BCL2: variants seen among roughly 807,000 people sequenced by gnomAD.
BCL2 encodes BCL2 apoptosis regulator.
Under a neutral mutation model 14.2 loss-of-function variants are expected in BCL2, and 1 was observed. The observed-to-expected ratio is 0.07, with a 90% CI of 0.02 to 0.33. The LOEUF (loss-of-function observed/expected upper bound fraction) is 0.33, where lower values mean the gene tolerates loss of function less well. Ranked by LOEUF, BCL2 falls within the 10% of genes least tolerant of loss-of-function variation. BCL2 has a pLI of 0.99. For missense variants in BCL2, 247 were observed against 305.9 expected (o/e 0.81, Z 1.44); for synonymous variants, 151 against 137.2 (o/e 1.10, Z -0.70).
chr18:63,245,678 G>A lies in BCL2; in HGVS notation c.585+72404C>T, dbSNP rs566823769. Among the ~76,000 whole-genome samples, 164 of 152,220 alleles carry A rather than the reference G, an allele frequency of 1.1e-3. 1 individual carries two copies. The highest frequency in any genetic ancestry group is 3.6e-3 in the African/African-American group (151 of 41,532). ...GGCCTAATACTAACGTCAGTTTCCT[G>A]GTATTGATAATGTGATGCTATATAC... On this transcript the variant is annotated intron_variant, in intron 2 of 2. Coordinates refer to ENST00000333681, the MANE Select transcript of BCL2 (RefSeq NM_000633.3).
intron 2 of BCL2, among the ~76,000 whole-genome samples, chr18:63,137,490 A>G (rs72941346): frequency 0.051 from 7,763 of 152,294 alleles, 303 homozygotes; most frequent in Non-Finnish European, 0.077. Context: ...ATCCTAATAG[A>G]TAATATTTTT....
chr18:63,164,863 T>C (rs1266064433), intron 2 of BCL2, among the ~76,000 whole-genome samples: 3 of 152,194 alleles, frequency 2.0e-5, no homozygotes, highest in Non-Finnish European at 2.9e-5. Context: ...AGAGAGACTG[T>C]GAAATCCTCA....
At chr18:63,266,633 TCTCTCA>T (rs995737506) in intron 2 of BCL2, among the ~76,000 whole-genome samples, 13 of 145,468 alleles carry the variant, frequency 8.9e-5, no homozygotes, top group African/African-American at 3.1e-4. Flanking sequence ...TCTCTCTCTC[TCTCTCA>T]CACACACACA....
At chr18:63,184,668 G>C (rs576937585) in intron 2 of BCL2, among the ~76,000 whole-genome samples, 6 of 152,358 alleles carry the variant, frequency 3.9e-5, no homozygotes, top group African/African-American at 1.4e-4. Context: ...GGGGAGAGTA[G>C]GATGGAAGCA....
At chr18:63,183,545 TG>T (rs1335224155) in intron 2 of BCL2, among the ~76,000 whole-genome samples, 3 of 152,088 alleles carry the variant, frequency 2.0e-5, no homozygotes, top group African/African-American at 7.3e-5. Flanking sequence ...GCTGTGCCCG[TG>T]GGTACCTCAG....
intron 2 of BCL2, among the ~76,000 whole-genome samples, chr18:63,207,260 C>T (rs559316215): frequency 1.6e-4 from 24 of 152,234 alleles, no homozygotes; most frequent in Non-Finnish European, 2.5e-4. Context: ...ACCCCAGGGC[C>T]GATGGGCACC....
chr18:63,136,674 G>A (rs1914218042), intron 2 of BCL2, among the ~76,000 whole-genome samples: 1 of 152,222 alleles, frequency 6.6e-6, no homozygotes, highest in South Asian at 2.1e-4. Context: ...GGAAATCTGA[G>A]GGCCGGTGTA....
chr18:63,208,476 G>A (rs1201172714), intron 2 of BCL2, among the ~76,000 whole-genome samples: 1 of 152,136 alleles, frequency 6.6e-6, no homozygotes, highest in Non-Finnish European at 1.5e-5. Context: ...GCTAAAACAG[G>A]CACCACACAA....
intron 2 of BCL2, among the ~76,000 whole-genome samples, chr18:63,179,709 C>T (rs770913365): frequency 1.3e-5 from 2 of 152,190 alleles, no homozygotes; most frequent in Non-Finnish European, 2.9e-5. Context: ...CTTGGATGGA[C>T]ACTCACATTG....
chr18:63,221,450 A>G (rs930795927), intron 2 of BCL2, among the ~76,000 whole-genome samples: 1 of 152,180 alleles, frequency 6.6e-6, no homozygotes, highest in African/African-American at 2.4e-5. Flanking sequence ...GAAAAGGGGG[A>G]TAGAGGAAGG....
chr18:63,311,712 T>C (rs72945073), intron 2 of BCL2, among the ~76,000 whole-genome samples: 4,567 of 152,312 alleles, frequency 0.03, 97 homozygotes, highest in Non-Finnish European at 0.044. Flanking sequence ...TTGACGCATG[T>C]GGCCCAAACG....
intron 2 of BCL2, among the ~76,000 whole-genome samples, chr18:63,186,891 T>C (rs779679391): frequency 4.6e-5 from 7 of 152,250 alleles, no homozygotes; most frequent in Non-Finnish European, 1.0e-4. Context: ...GAAAGAATTG[T>C]CATTTGATGT....
At chr18:63,276,146 G>A (rs113353643) in intron 2 of BCL2, among the ~76,000 whole-genome samples, 2,249 of 152,298 alleles carry the variant, frequency 0.015, 52 homozygotes, top group South Asian at 0.066. Flanking sequence ...CTAAGCTTGA[G>A]ACAGACAGAG....
chr18:63,188,400 G>A (rs1036125990), intron 2 of BCL2, among the ~76,000 whole-genome samples: 8 of 152,138 alleles, frequency 5.3e-5, no homozygotes, highest in African/African-American at 1.7e-4. Flanking sequence ...ATAAGTACAA[G>A]TGTTTAGCAC....
intron 2 of BCL2, among the ~76,000 whole-genome samples, chr18:63,222,757 G>T (rs1910435216): frequency 6.6e-6 from 1 of 152,162 alleles, no homozygotes; most frequent in African/African-American, 2.4e-5. Context: ...AAACGTCACT[G>T]TAACGAGGGA....
At chr18:63,254,999 T>C (rs3744948) in intron 2 of BCL2, among the ~76,000 whole-genome samples, 13,685 of 152,256 alleles carry the variant, frequency 0.09, 703 homozygotes, top group South Asian at 0.16. Flanking sequence ...GGTCCTTGGA[T>C]TGCAGAGCTC....
At chr18:63,202,338 T>A (rs1599241889) in intron 2 of BCL2, among the ~76,000 whole-genome samples, 1 of 152,134 alleles carries the variant, frequency 6.6e-6, no homozygotes, top group Admixed American at 6.5e-5. Context: ...TACATTCACA[T>A]AACATTTGTT....
At chr18:63,143,065 ATGGACAAGATACGC>A (rs1914408100) in intron 2 of BCL2, among the ~76,000 whole-genome samples, 1 of 152,208 alleles carries the variant, frequency 6.6e-6, no homozygotes, top group Admixed American at 6.5e-5. Context: ...TCATTAACAT[ATGGACAAGATACGC>A]TGGCGTGGCC....
intron 2 of BCL2, among the ~76,000 whole-genome samples, chr18:63,215,236 C>T (rs771214179): frequency 6.6e-6 from 1 of 152,128 alleles, no homozygotes; most frequent in African/African-American, 2.4e-5. Flanking sequence ...GGTAGAAATA[C>T]GAATCACCAT....
Sources: gnomAD v4.1 joint callset for allele counts (sites outside exome capture counted in the v4.1 genomes callset) on GRCh38, gnomAD v4.1.1 for gene constraint, MANE v1.5 for transcripts, NCBI Gene and HGNC (gene_info 2026-07-23, HGNC 2026-07-21) for gene names.